Variants in CENPP observed in about 807,000 individuals in gnomAD.
CENPP encodes centromere protein P.
In CENPP, 24 loss-of-function variants were observed where a neutral mutation model predicts 35.6. The observed-to-expected ratio is 0.67, with a 90% CI of 0.49 to 0.95. The LOEUF (loss-of-function observed/expected upper bound fraction) is 0.95. Ranked by LOEUF, CENPP falls within the 40% of genes least tolerant of loss-of-function variation. CENPP has a pLI of 0.00. For synonymous variants in CENPP, 120 were observed against 125.5 expected (o/e 0.96, Z 0.29); for missense variants, 332 against 345.3 (o/e 0.96, Z 0.31).
At chr9:92,470,349 TGTAA>T (rs977577560) in intron 5 of CENPP, among the ~76,000 whole-genome samples, 17 of 152,368 alleles carry the variant, frequency 1.1e-4, no homozygotes, top group African/African-American at 4.1e-4. Context: ...TAATGATTGC[TGTAA>T]GTAATTGTTT....
chr9:92,526,192 T>G (rs1201886281), intron 5 of CENPP, among the ~76,000 whole-genome samples: 1 of 152,052 alleles, frequency 6.6e-6, no homozygotes, highest in Non-Finnish European at 1.5e-5. Context: ...CCAGACCCAA[T>G]GAAGGCCTAG....
intron 5 of CENPP, among the ~76,000 whole-genome samples, chr9:92,425,976 G>A (rs935060667): frequency 2.0e-5 from 3 of 152,306 alleles, no homozygotes; most frequent in Admixed American, 1.3e-4. Flanking sequence ...CATTAACTCT[G>A]TGATTTGGAT....
At chr9:92,490,680 G>A (rs184936439) in intron 5 of CENPP, among the ~76,000 whole-genome samples, 1 of 152,318 alleles carries the variant, frequency 6.6e-6, no homozygotes, top group Admixed American at 6.5e-5. Context: ...TTTAAATGAT[G>A]GCTTTGGAAG....
At chr9:92,489,128 TAC>T (rs1306243497) in intron 5 of CENPP, among the ~76,000 whole-genome samples, 1 of 152,250 alleles carries the variant, frequency 6.6e-6, no homozygotes, top group Admixed American at 6.5e-5. Flanking sequence ...CAGCCGGGCT[TAC>T]AGTCTCGAAT....
chr9:92,508,438 G>A (rs925085630), intron 5 of CENPP, among the ~76,000 whole-genome samples: 4 of 152,238 alleles, frequency 2.6e-5, no homozygotes, highest in Admixed American at 2.6e-4. Flanking sequence ...ACTCTGGAAG[G>A]CAGTTCCAGG....
Position 92,390,587 on chromosome 9 carries a change from T to TGTGTGTGCGCGC in CENPP, c.564+10729_564+10730insTGTGTGCGCGCG, listed in dbSNP as rs749697394. On this transcript the variant is annotated intron_variant, in intron 5 of 7. Coordinates refer to ENST00000375587, the MANE Select transcript of CENPP (RefSeq NM_001012267.3). ...CAGTGTGTGTGTGTGTGTGTGTGTG[T>TGTGTGTGCGCGC]GCGCGCGCGCGTACTTGCGTGTGCA... Among the ~76,000 whole-genome samples the TGTGTGTGCGCGC allele has an allele frequency of 7.4e-3, 1,048 of 141,898 alleles. 10 individuals are homozygous for TGTGTGTGCGCGC. Among genetic ancestry groups the TGTGTGTGCGCGC allele is most frequent in the Middle Eastern group, 0.018 (5 of 274 alleles). The allele number at this position is 141,898 out of a possible 152,430, so 93.1% of individuals were successfully genotyped here.
chr9:92,559,791 A>G (rs74463111), intron 5 of CENPP, among the ~76,000 whole-genome samples: 6,065 of 152,186 alleles, frequency 0.04, 186 homozygotes, highest in South Asian at 0.099. Context: ...ATGAGCCACC[A>G]TGCCTGCTGT....
chr9:92,558,978 C>T (rs1392594948), intron 5 of CENPP, among the ~76,000 whole-genome samples: 1 of 152,032 alleles, frequency 6.6e-6, no homozygotes, highest in Non-Finnish European at 1.5e-5. Context: ...GGCAGTTCCC[C>T]CGCCACCCAA....
intron 5 of CENPP, among the ~76,000 whole-genome samples, chr9:92,383,520 A>C (rs1247982655): frequency 6.6e-6 from 1 of 152,120 alleles, no homozygotes; most frequent in Non-Finnish European, 1.5e-5. Context: ...GCCTCTAATT[A>C]TTAGTGTCAA....
intron 5 of CENPP, among the ~76,000 whole-genome samples, chr9:92,461,618 AC>A (rs1845115346): frequency 6.6e-6 from 1 of 152,168 alleles, no homozygotes; most frequent in African/African-American, 2.4e-5. Context: ...ATGCAGAGAG[AC>A]ATTCAGATAA....
intron 5 of CENPP, among the ~76,000 whole-genome samples, chr9:92,443,305 A>G (rs1844468668): frequency 6.6e-6 from 1 of 152,206 alleles, no homozygotes; most frequent in Non-Finnish European, 1.5e-5. Flanking sequence ...TATATTACCA[A>G]TACATAATTG....
intron 5 of CENPP, among the ~76,000 whole-genome samples, chr9:92,430,766 G>T (rs558469847): frequency 1.4e-4 from 22 of 152,004 alleles, no homozygotes; most frequent in Non-Finnish European, 2.6e-4. Context: ...GACTATTATG[G>T]TTTCTTTTGT....
At chr9:92,544,514 C>T (rs928364494) in intron 5 of CENPP, among the ~76,000 whole-genome samples, 1 of 147,560 alleles carries the variant, frequency 6.8e-6, no homozygotes, top group East Asian at 2.0e-4. Flanking sequence ...TGTTGAGGTA[C>T]ATTCTTTCTA....
At chr9:92,501,130 T>C (rs777770493) in intron 5 of CENPP, 12 of 1,423,168 alleles carry the variant, frequency 8.4e-6, no homozygotes, top group Non-Finnish European at 1.1e-5. Context: ...ATAAGGCCAG[T>C]CTCGATGCTG....
In CENPP at chr9:92,474,486, A is replaced by G. The variant is rs1486966264; in HGVS notation, c.564+94627A>G. 2.4e-6 allele frequency: 3 copies of G among 1,273,914 alleles called. No homozygotes were observed. In the East Asian group the frequency reaches 8.2e-5, roughly 35 times the overall value. 78.9% of individuals were successfully genotyped at this position (1,273,914 alleles called of 1,614,324 possible). ...TTGGATGTACTTTGGGGTTTGCTGTACTTTCCACCTAAAAACTTAAATGAA... is the reference window on the plus strand; with the variant it reads ...TTGGATGTACTTTGGGGTTTGCTGTGCTTTCCACCTAAAAACTTAAATGAA... On this transcript the variant is annotated intron_variant, in intron 5 of 7. Coordinates refer to ENST00000375587, the MANE Select transcript of CENPP (RefSeq NM_001012267.3).
chr9:92,413,997 C>G (rs1277294575), intron 5 of CENPP, among the ~76,000 whole-genome samples: 1 of 152,140 alleles, frequency 6.6e-6, no homozygotes, highest in Non-Finnish European at 1.5e-5. Flanking sequence ...TTTGTATAGG[C>G]AGCCCTAGAT....
At chr9:92,351,690 G>A (rs1476584378) in intron 4 of CENPP, among the ~76,000 whole-genome samples, 1 of 151,962 alleles carries the variant, frequency 6.6e-6, no homozygotes, top group Non-Finnish European at 1.5e-5. Flanking sequence ...GCGTGCAGTG[G>A]TGTGATCTCT....
At chr9:92,545,529 C>A (rs1223827001) in intron 5 of CENPP, among the ~76,000 whole-genome samples, 1 of 83,010 alleles carries the variant, frequency 1.2e-5, no homozygotes, top group Non-Finnish European at 2.1e-5. Context: ...ACTGAGCCTC[C>A]CGCCCCGCCG....
In CENPP at chr9:92,437,015, C is replaced by T. The variant is rs1844261397; in HGVS notation, c.564+57156C>T. On this transcript the variant is annotated intron_variant, in intron 5 of 7. Transcript: ENST00000375587. ...AGGAGTTTGAGACCAGCCTGGCCAACATGATGAAACCCCATCTCTGCTAAA... is the reference window on the plus strand; with the variant it reads ...AGGAGTTTGAGACCAGCCTGGCCAATATGATGAAACCCCATCTCTGCTAAA... Among the ~76,000 whole-genome samples, 3 of 152,068 alleles carry T rather than the reference C, an allele frequency of 2.0e-5. No homozygotes were observed. In the South Asian group the frequency reaches 6.2e-4, roughly 32 times the overall value.
Sources: gnomAD v4.1 joint callset for allele counts (sites outside exome capture counted in the v4.1 genomes callset) on GRCh38, gnomAD v4.1.1 for gene constraint, MANE v1.5 for transcripts, NCBI Gene and HGNC (gene_info 2026-07-23, HGNC 2026-07-21) for gene names.